TRIM9: variants seen among roughly 807,000 people sequenced by gnomAD.
TRIM9 encodes the protein tripartite motif containing 9, also known as E3 ubiquitin-protein ligase TRIM9.
In TRIM9, 26 loss-of-function variants were observed where a neutral mutation model predicts 78.3. That is an observed-to-expected ratio of 0.33 (90% CI 0.24 to 0.46). TRIM9 has a LOEUF of 0.46. Among genes scored for constraint, TRIM9 ranks in the 20% least tolerant of loss-of-function variants. TRIM9 has a pLI of 1.00. For missense variants in TRIM9, 787 were observed against 1,036.4 expected (o/e 0.76, Z 3.30); for synonymous variants, 398 against 416.5 (o/e 0.96, Z 0.54).
chr14:51,073,752 T>G (rs2062509011), intron 1 of TRIM9, among the ~76,000 whole-genome samples: 1 of 152,230 alleles, frequency 6.6e-6, no homozygotes, highest in African/African-American at 2.4e-5. Flanking sequence ...TTTGTGGAAA[T>G]TCATTGAAAT....
intron 1 of TRIM9, among the ~76,000 whole-genome samples, chr14:51,030,616 TGTGA>T (rs1377751598): frequency 1.3e-5 from 2 of 152,058 alleles, no homozygotes; most frequent in Non-Finnish European, 2.9e-5. Context: ...TGCATATGCC[TGTGA>T]GTGTGTGAAA....
intron 1 of TRIM9, among the ~76,000 whole-genome samples, chr14:51,072,655 C>CTT (rs147528947): frequency 6.7e-6 from 1 of 149,256 alleles, no homozygotes; most frequent in East Asian, 2.0e-4. Flanking sequence ...CAATTTATTA[C>CTT]TTTTTTTTTT....
chr14:51,067,903 AG>A (rs1478573916), intron 1 of TRIM9, among the ~76,000 whole-genome samples: 38 of 152,362 alleles, frequency 2.5e-4, no homozygotes, highest in African/African-American at 9.1e-4. Flanking sequence ...AACAGAATTA[AG>A]CCCCAAGACA....
At chr14:51,066,450 C>A (rs779881777) in intron 1 of TRIM9, among the ~76,000 whole-genome samples, 1 of 152,206 alleles carries the variant, frequency 6.6e-6, no homozygotes, top group African/African-American at 2.4e-5. Context: ...TTCTGGAACA[C>A]CACATTCCTG....
chr14:51,013,482 CTTT>C (rs35634487), intron 3 of TRIM9, among the ~76,000 whole-genome samples: 90 of 152,252 alleles, frequency 5.9e-4, no homozygotes, highest in African/African-American at 2.1e-3. Context: ...ATTTGTCCTT[CTTT>C]TTCAAGATTG....
At chr14:51,062,196 G>A (rs372658120) in intron 1 of TRIM9, among the ~76,000 whole-genome samples, 80 of 152,046 alleles carry the variant, frequency 5.3e-4, no homozygotes, top group African/African-American at 1.9e-3. Context: ...AACTGTTTAT[G>A]CATGTTATTC....
At chr14:50,986,825 G>T (rs2052777869) in intron 7 of TRIM9, among the ~76,000 whole-genome samples, 1 of 152,196 alleles carries the variant, frequency 6.6e-6, no homozygotes, top group African/African-American at 2.4e-5. Flanking sequence ...TTTCTCTAAT[G>T]ATAAACAGAC....
chr14:51,013,947 T>A (rs1331905966), intron 3 of TRIM9, among the ~76,000 whole-genome samples: 1 of 152,214 alleles, frequency 6.6e-6, no homozygotes, highest in Non-Finnish European at 1.5e-5. Flanking sequence ...TGGTAGCCAG[T>A]GTATTGGTGC....
chr14:50,989,689 CA>C (rs1228285874), intron 7 of TRIM9, among the ~76,000 whole-genome samples: 3 of 152,296 alleles, frequency 2.0e-5, no homozygotes, highest in South Asian at 2.1e-4. Context: ...CAATGGAAAA[CA>C]GTATGTCAAT....
chr14:51,026,967 G>A (rs180719600), intron 1 of TRIM9, among the ~76,000 whole-genome samples: 4 of 152,246 alleles, frequency 2.6e-5, no homozygotes, highest in African/African-American at 9.6e-5. Flanking sequence ...GTTACTGGCT[G>A]TTCAACCCTT....
intron 7 of TRIM9, among the ~76,000 whole-genome samples, chr14:50,993,415 C>G (rs2053783762): frequency 6.6e-6 from 1 of 150,732 alleles, no homozygotes; most frequent in Non-Finnish European, 1.5e-5. Context: ...GTTGCCCAGG[C>G]TGGAGTGGAA....
chr14:51,047,222 C>A (rs2060016853), intron 1 of TRIM9, among the ~76,000 whole-genome samples: 1 of 152,142 alleles, frequency 6.6e-6, no homozygotes, highest in Admixed American at 6.5e-5. Context: ...CTTTCCCTGT[C>A]TTCCCAGCAA....
chr14:51,092,950 C>T (rs1288375073), intron 1 of TRIM9, among the ~76,000 whole-genome samples: 1 of 152,058 alleles, frequency 6.6e-6, no homozygotes, highest in Admixed American at 6.6e-5. Context: ...AGGTAAGTGA[C>T]CCATTCGGAT....
At chr14:51,062,622 G>A (rs1392262589) in intron 1 of TRIM9, among the ~76,000 whole-genome samples, 3 of 152,158 alleles carry the variant, frequency 2.0e-5, no homozygotes, top group Non-Finnish European at 4.4e-5. Flanking sequence ...AGGATAGTCA[G>A]GAAAACCTGA....
chr14:51,087,968 T>C (rs558744375), intron 1 of TRIM9, among the ~76,000 whole-genome samples: 111 of 152,324 alleles, frequency 7.3e-4, no homozygotes, highest in Middle Eastern at 3.4e-3. Flanking sequence ...CCTAAAATCA[T>C]TTTTTGAGTT....
chr14:51,025,463 C>A, intron 1 of TRIM9, 103 bp from the exon 2 acceptor site: 1 of 998,262 alleles, frequency 1.0e-6, no homozygotes, highest in Non-Finnish European at 1.5e-6. Context: ...TCAGATTCCT[C>A]TTGTCTGAGG....
chr14:50,986,482 G>A (rs1190663872), intron 7 of TRIM9: 3 of 173,466 alleles, frequency 1.7e-5, no homozygotes, highest in African/African-American at 7.1e-5. Context: ...ACCTATTGAT[G>A]ACCAAGAGGA....
intron 12 of TRIM9, 68 bp downstream of exon 12, chr14:50,979,319 A>C: frequency 1.2e-6 from 2 of 1,613,084 alleles, no homozygotes; most frequent in Non-Finnish European, 1.7e-6. Flanking sequence ...GTTGGATTGA[A>C]CGGCCCTGGG....
At chr14:51,015,007 C>T (rs1004818946) in intron 3 of TRIM9, among the ~76,000 whole-genome samples, 2 of 152,210 alleles carry the variant, frequency 1.3e-5, no homozygotes, top group African/African-American at 2.4e-5. Flanking sequence ...ATCTGCAGTC[C>T]ACAGTTTCAG....
Sources: allele counts gnomAD v4.1 joint callset (sites outside exome capture counted in the v4.1 genomes callset), GRCh38; gene constraint gnomAD v4.1.1; transcripts MANE v1.5; gene names NCBI Gene and HGNC (gene_info 2026-07-23, HGNC 2026-07-21).